The following UHRF2 variants were observed in gnomAD, a reference collection of about 807,000 sequenced individuals.
The protein encoded by UHRF2 is E3 ubiquitin-protein ligase UHRF2.
In UHRF2, 23 loss-of-function variants were observed where a neutral mutation model predicts 96.8. The observed-to-expected ratio is 0.24, with a 90% CI of 0.17 to 0.34. The LOEUF (loss-of-function observed/expected upper bound fraction) is 0.34, where lower values mean the gene tolerates loss of function less well. Among genes scored for constraint, UHRF2 ranks in the 10% least tolerant of loss-of-function variants. The probability of loss-of-function intolerance (pLI) is 1.00; values close to 1 mark genes in which losing one functional copy is unlikely to be tolerated. For missense variants in UHRF2, 685 were observed against 981.5 expected (o/e 0.70, Z 4.04); for synonymous variants, 385 against 332.6 (o/e 1.16, Z -1.72).
Position 6,475,449 on chromosome 9 carries a change from A to G in UHRF2, c.922A>G (p.Ile308Val). 1 of 1,593,020 alleles carries G rather than the reference A, an allele frequency of 6.3e-7. No homozygotes were observed. The highest frequency in any genetic ancestry group is 8.6e-7 in the Non-Finnish European group (1 of 1,168,932). ...KIISVDEIFK[I>V]ERPGAHPLSF... ...AATATCTGTAGATGAAATCTTCAAG[A>G]TTGAGAGACCTGGAGCCCATCCCCT... Residue 308 changes from isoleucine (I) to valine (V), a missense_variant, in exon 5 of 16, where the codon ATT (isoleucine) becomes GTT (valine). By Grantham distance (29) the Ile-to-Val change is conservative. Coordinates refer to ENST00000276893, the MANE Select transcript of UHRF2 (RefSeq NM_152896.3).
At chr9:6,448,774 A>G (rs573242002) in intron 3 of UHRF2, among the ~76,000 whole-genome samples, 1 of 152,346 alleles carries the variant, frequency 6.6e-6, no homozygotes, top group East Asian at 1.9e-4. Flanking sequence ...AGAATGTGGT[A>G]GGTTGTGGCA....
chr9:6,417,709 A>G (rs1459496735), intron 1 of UHRF2, among the ~76,000 whole-genome samples: 1 of 152,228 alleles, frequency 6.6e-6, no homozygotes, highest in East Asian at 1.9e-4. Context: ...AGCATGAGGA[A>G]AGGTGGTTAT....
chr9:6,485,072 C>T (rs1324464922), intron 8 of UHRF2, among the ~76,000 whole-genome samples: 1 of 151,866 alleles, frequency 6.6e-6, no homozygotes, highest in Non-Finnish European at 1.5e-5. Context: ...GGATTACAGG[C>T]GTGAGCCACC....
chr9:6,417,022 C>T (rs1471013373), intron 1 of UHRF2, among the ~76,000 whole-genome samples: 1 of 152,108 alleles, frequency 6.6e-6, no homozygotes, highest in East Asian at 1.9e-4. Context: ...AAAGGAATAT[C>T]TATGTATATA....
At chr9:6,487,371 G>A (rs1824365006) in intron 9 of UHRF2, among the ~76,000 whole-genome samples, 1 of 151,032 alleles carries the variant, frequency 6.6e-6, no homozygotes, top group Non-Finnish European at 1.5e-5. Context: ...GTATTTTTAT[G>A]TATTTATTTT....
At chr9:6,445,085 G>C (rs985187980) in intron 3 of UHRF2, among the ~76,000 whole-genome samples, 12 of 136,416 alleles carry the variant, frequency 8.8e-5, no homozygotes, top group African/African-American at 3.2e-4. Flanking sequence ...GAGCTCAGGA[G>C]TTTGAGGCCA....
chr9:6,447,208 C>T (rs1821572446), intron 3 of UHRF2, among the ~76,000 whole-genome samples: 1 of 152,122 alleles, frequency 6.6e-6, no homozygotes, highest in African/African-American at 2.4e-5. Context: ...ACCTTTTAAC[C>T]TAATTATGTT....
intron 3 of UHRF2, among the ~76,000 whole-genome samples, chr9:6,445,211 T>A (rs771961865): frequency 1.6e-4 from 24 of 151,692 alleles, no homozygotes; most frequent in South Asian, 2.1e-4. Context: ...TTCTCTTAAA[T>A]TTTTCAGCTT....
intron 2 of UHRF2, among the ~76,000 whole-genome samples, chr9:6,423,672 G>A (rs56939673): frequency 0.17 from 25,904 of 150,056 alleles, 2,397 homozygotes; most frequent in East Asian, 0.27. Context: ...TCGGCCGGGC[G>A]TGGTGGCTCA....
At chr9:6,430,676 A>G (rs531171494) in intron 2 of UHRF2, among the ~76,000 whole-genome samples, 13 of 152,264 alleles carry the variant, frequency 8.5e-5, no homozygotes, top group African/African-American at 2.9e-4. Context: ...CCAAACAACT[A>G]GAGGCCACCC....
chr9:6,452,593 A>G (rs561889043), intron 3 of UHRF2, among the ~76,000 whole-genome samples: 1 of 152,336 alleles, frequency 6.6e-6, no homozygotes, highest in Non-Finnish European at 1.5e-5. Flanking sequence ...GATTTTAACT[A>G]AGGATATAGA....
chr9:6,448,315 A>T (rs1821643562), intron 3 of UHRF2, among the ~76,000 whole-genome samples: 1 of 152,246 alleles, frequency 6.6e-6, no homozygotes, highest in Non-Finnish European at 1.5e-5. Context: ...AGGAAATGTA[A>T]TTAAAGCATA....
At chr9:6,419,985 G>A (rs1819833871) in intron 1 of UHRF2, among the ~76,000 whole-genome samples, 1 of 151,776 alleles carries the variant, frequency 6.6e-6, no homozygotes, top group Non-Finnish European at 1.5e-5. Context: ...CTGGGCTCAA[G>A]TGATCCTCCC....
chr9:6,504,060 C>G (rs1277567139), intron 14 of UHRF2, among the ~76,000 whole-genome samples: 1 of 121,636 alleles, frequency 8.2e-6, no homozygotes, highest in African/African-American at 3.2e-5. Flanking sequence ...GAGTCTCGCT[C>G]TGTCACCCAG....
intron 3 of UHRF2, 151 bp downstream of exon 3, chr9:6,434,324 T>A: frequency 3.4e-6 from 3 of 895,296 alleles, no homozygotes; most frequent in African/African-American, 1.7e-5. Flanking sequence ...GGTTGTACTC[T>A]AATTTAAAGG....
chr9:6,435,680 C>A (rs1015870771), intron 3 of UHRF2, among the ~76,000 whole-genome samples: 2 of 152,176 alleles, frequency 1.3e-5, no homozygotes, highest in African/African-American at 4.8e-5. Context: ...GATCTTGGCT[C>A]ACTGCAACCT....
intron 4 of UHRF2, among the ~76,000 whole-genome samples, chr9:6,467,548 G>A (rs1179142711): frequency 2.8e-5 from 4 of 143,568 alleles, no homozygotes; most frequent in Non-Finnish European, 4.5e-5. Context: ...CTAGGCACTA[G>A]TTACAATAGA....
At chr9:6,457,989 C>G (rs1214176337) in intron 3 of UHRF2, among the ~76,000 whole-genome samples, 1 of 152,048 alleles carries the variant, frequency 6.6e-6, no homozygotes. Flanking sequence ...GTGTCTCTGC[C>G]AGGTTTTGGT....
At chr9:6,499,120 A>G (rs1341044524) in intron 12 of UHRF2, 1 of 152,204 alleles carries the variant, frequency 6.6e-6, no homozygotes, top group Non-Finnish European at 1.5e-5. Context: ...ATTGTTCTAG[A>G]TAGGTTATAT....
Sources: allele counts gnomAD v4.1 joint callset (sites outside exome capture counted in the v4.1 genomes callset), GRCh38; gene constraint gnomAD v4.1.1; transcripts MANE v1.5; gene names NCBI Gene and HGNC (gene_info 2026-07-23, HGNC 2026-07-21).